MYADM: variants seen among roughly 807,000 people sequenced by gnomAD.
MYADM encodes the protein myeloid associated differentiation marker, also known as myeloid-associated differentiation marker.
For synonymous variants in MYADM, 224 were observed against 210.2 expected (o/e 1.07, Z -0.57); for missense variants, 416 against 443.4 (o/e 0.94, Z 0.56).
Position 53,874,571 on chromosome 19 carries a change from C to A in MYADM, c.*73C>A. 3 of 1,476,678 alleles carry A rather than the reference C, an allele frequency of 2.0e-6. No individual in the cohort carries two copies. The highest frequency in any genetic ancestry group is 2.7e-6 in the Non-Finnish European group (3 of 1,107,224). 91.5% of individuals were successfully genotyped at this position (1,476,678 alleles called of 1,614,324 possible). On this transcript the variant is annotated 3_prime_UTR_variant, in exon 3 of 3. Coordinates refer to ENST00000391770, the MANE Select transcript of MYADM (RefSeq NM_138373.5). ...TTGCCCGAGTTTTCTTTATGGAGTA[C>A]TTCTTTCCTCCGCCTTTCCTCTGTT...
Position 53,873,725 on chromosome 19 carries a change from A to T in MYADM, c.196A>T (p.Asn66Tyr), listed in dbSNP as rs749178244. 6.2e-7 allele frequency: 1 copy of T among 1,613,856 alleles called. No homozygotes were observed. The highest frequency in any genetic ancestry group is 1.3e-5 in the African/African-American group (1 of 74,870). The change falls in exon 3 of 3, where the codon AAC (asparagine) becomes TAC (tyrosine). Residue 66 changes from asparagine to tyrosine, a missense_variant. Asn to Tyr is a moderately radical substitution (Grantham distance 143). Coordinates refer to ENST00000391770, the MANE Select transcript of MYADM (RefSeq NM_138373.5). This position sits in a 1 kb window ranked among gnomAD's most constrained non-coding sequence, Gnocchi z 4.3. ...SVGAWTGSMG[N>Y]WSMFTWCFCF... ...GGGCGCCTGGACGGGGTCCATGGGC[A>T]ACTGGTCCATGTTCACCTGGTGCTT...
rs1324330313 is a variant in MYADM, at chr19:53,868,310, A to C, written c.-88+367A>C. On this transcript the variant is annotated intron_variant, in intron 1 of 2. Transcript: ENST00000391770. This position sits in a 1 kb window ranked among gnomAD's most constrained non-coding sequence, Gnocchi z 6.3. ...GGGCCTGGACTCCTGAGTCTGAGGG[A>C]GGAGGGGCTGGGTCTGCGGGAGTAG... Among the ~76,000 whole-genome samples, 1 of 149,860 alleles carries C rather than the reference A, an allele frequency of 6.7e-6. No homozygotes were observed. Among genetic ancestry groups the C allele is most frequent in the African/African-American group, 2.5e-5 (1 of 40,414 alleles).
In MYADM at chr19:53,874,548, G is replaced by C; in HGVS notation, c.*50G>C. 4 of 1,511,278 alleles carry C rather than the reference G, an allele frequency of 2.6e-6. No homozygotes were observed. The highest frequency in any genetic ancestry group is 3.5e-6 in the Non-Finnish European group (4 of 1,130,834). The allele number at this position is 1,511,278 out of a possible 1,614,324, so 93.6% of individuals were successfully genotyped here. On this transcript the variant is annotated 3_prime_UTR_variant, in exon 3 of 3. Coordinates refer to ENST00000391770, the MANE Select transcript of MYADM (RefSeq NM_138373.5). ...CCTCTCCAACCTCTTTGTTCTTCTT[G>C]CCCGAGTTTTCTTTATGGAGTACTT...
chr19:53,871,145 C>T (rs1436597849), intron 2 of MYADM, among the ~76,000 whole-genome samples: 3 of 152,152 alleles, frequency 2.0e-5, no homozygotes, highest in African/African-American at 4.8e-5. Context: ...GCAGGAGAAT[C>T]GCTTGAATCC....
In MYADM at chr19:53,875,234, G is replaced by A. The variant is rs1483851970; in HGVS notation, c.*736G>A. On this transcript the variant is annotated 3_prime_UTR_variant, in exon 3 of 3. Coordinates refer to ENST00000391770, the MANE Select transcript of MYADM (RefSeq NM_138373.5). ...TGTGTGTGTGTGTGTGTGTGTGTTT[G>A]GGGGGTGGGGGGTGGGTAGCTGGGG... 7 of 147,834 alleles carry A rather than the reference G, an allele frequency of 4.7e-5. No individual in the cohort carries two copies. The highest frequency in any genetic ancestry group is 1.1e-4 in the Non-Finnish European group (7 of 63,126). The allele number at this position is 147,834 out of a possible 1,614,324, so 9.2% of individuals were successfully genotyped here. A position where few individuals can be genotyped will look rare whatever the true frequency, so the allele number is the denominator to read the frequency against.
chr19:53,872,259 T>C (rs1221747266), intron 2 of MYADM, among the ~76,000 whole-genome samples: 2 of 151,674 alleles, frequency 1.3e-5, no homozygotes, highest in Non-Finnish European at 2.9e-5. Context: ...GCAGGGGTTC[T>C]ATCTTGGCTC....
At chr19:53,871,682 G>A (rs941705491) in intron 2 of MYADM, among the ~76,000 whole-genome samples, 12 of 151,938 alleles carry the variant, frequency 7.9e-5, no homozygotes, top group African/African-American at 1.9e-4. Flanking sequence ...AGGTTGGGCC[G>A]TTTAGAGGCT....
Position 53,873,380 on chromosome 19 carries a change from A to C in MYADM, c.-2-148A>C. On this transcript the variant is annotated intron_variant, in intron 2 of 2. Coordinates refer to ENST00000391770, the MANE Select transcript of MYADM (RefSeq NM_138373.5). The surrounding 1 kb of genome is among the most constrained non-coding windows in gnomAD (Gnocchi z 4.3). ...GAGCAAGACTCTGTCTCAAAAAAAAAAAAAGAAAAGAAAACCGAAAGCCCC... is the reference window on the plus strand; with the variant it reads ...GAGCAAGACTCTGTCTCAAAAAAAACAAAAGAAAAGAAAACCGAAAGCCCC... The C allele has an allele frequency of 1.1e-6, 1 of 890,990 alleles. No individual in the cohort carries two copies. Among genetic ancestry groups the C allele is most frequent in the Non-Finnish European group, 1.7e-6 (1 of 593,424 alleles). 55.2% of individuals were successfully genotyped at this position (890,990 alleles called of 1,614,324 possible).
chr19:53,874,331 G>T lies in MYADM; in HGVS notation c.802G>T (p.Gly268Cys). The T allele has an allele frequency of 6.2e-7, 1 of 1,613,158 alleles. No homozygotes were observed. The highest frequency in any genetic ancestry group is 1.7e-5 in the Admixed American group (1 of 59,990). ...CCTCTACCAGTTCGATGAGAAGTAT[G>T]GCGGCCAGCCTCGGCGCTCGAGAGA... ...WPLYQFDEKY[G>C]GQPRRSRDVS... The change falls in exon 3 of 3, where the codon GGC (glycine) becomes TGC (cysteine). Residue 268 changes from glycine (G) to cysteine (C), a missense_variant. Coordinates refer to ENST00000391770, the MANE Select transcript of MYADM (RefSeq NM_138373.5).
At chr19:53,871,870 AT>A (rs997640543) in intron 2 of MYADM, among the ~76,000 whole-genome samples, 1 of 151,776 alleles carries the variant, frequency 6.6e-6, no homozygotes, top group African/African-American at 2.4e-5. Context: ...AGGATGCTTT[AT>A]TTTTTATTTA....
chr19:53,866,507 C>G (rs1336177828), upstream of MYADM: 1 of 152,308 alleles, frequency 6.6e-6, no homozygotes, highest in East Asian at 1.9e-4. The surrounding 1 kb of genome is among the most constrained non-coding windows in gnomAD (Gnocchi z 4.3). Flanking sequence ...ACCCTCAGCT[C>G]CCTCTTTTTC....
At position 53,873,551 on chromosome 19, in the gene MYADM, A is replaced by G. The variant is rs781704036; in HGVS notation, c.22A>G (p.Thr8Ala). 3.7e-6 allele frequency: 6 copies of G among 1,607,758 alleles called. No individual in the cohort carries two copies. The Admixed American group carries it at 8.4e-5, about 23-fold the overall frequency. ...AGCCATGCCAGTGACGGTAACCCGC[A>G]CCACCATCACAACCACCACGACGTC... MPVTVTR[T>A]TITTTTTSSS... Residue 8 changes from threonine (T) to alanine (A), a missense_variant, in exon 3 of 3, where the codon ACC becomes GCC. By Grantham distance (58) the Thr-to-Ala change is moderately conservative. Coordinates refer to ENST00000391770, the MANE Select transcript of MYADM (RefSeq NM_138373.5). This position sits in a 1 kb window ranked among gnomAD's most constrained non-coding sequence, Gnocchi z 4.3.
At chr19:53,867,798 C>A (rs1325376038), upstream of MYADM, 3 of 152,924 alleles carry the variant, frequency 2.0e-5, no homozygotes, top group African/African-American at 4.8e-5. Context: ...CTGTCCACCG[C>A]CCTAGCCGGA....
chr19:53,866,571 C>T (rs561309521), upstream of MYADM, among the ~76,000 whole-genome samples: 3 of 152,344 alleles, frequency 2.0e-5, no homozygotes, highest in African/African-American at 7.2e-5. This position sits in a 1 kb window ranked among gnomAD's most constrained non-coding sequence, Gnocchi z 4.3. Flanking sequence ...TAAAAACACA[C>T]CCTGCATCCC....
At chr19:53,871,909 A>C (rs1483866379) in intron 2 of MYADM, among the ~76,000 whole-genome samples, 1 of 151,320 alleles carries the variant, frequency 6.6e-6, no homozygotes, top group South Asian at 2.1e-4. Context: ...ATTTTATTTT[A>C]TTTTTTGAGA....
At chr19:53,871,681 C>T (rs919372333) in intron 2 of MYADM, among the ~76,000 whole-genome samples, 4 of 151,764 alleles carry the variant, frequency 2.6e-5, no homozygotes, top group African/African-American at 7.3e-5. Flanking sequence ...GAGGTTGGGC[C>T]GTTTAGAGGC....
upstream of MYADM, among the ~76,000 whole-genome samples, chr19:53,867,615 C>T (rs1207843001): frequency 6.6e-6 from 1 of 152,198 alleles, no homozygotes; most frequent in Non-Finnish European, 1.5e-5. Flanking sequence ...AGTCTCCACG[C>T]CGCCAGCTGT....
At position 53,874,367 on chromosome 19, in the gene MYADM, A is replaced by G; in HGVS notation, c.838A>G (p.Ser280Gly). ...TCGGCGCTCGAGAGATGTAAGCTGCAGCCGCAGCCATGCCTACTACGTGTG... is the reference window on the plus strand; with the variant it reads ...TCGGCGCTCGAGAGATGTAAGCTGCGGCCGCAGCCATGCCTACTACGTGTG... ...QPRRSRDVSCSRSHAYYVCAW... is the reference protein window; with the variant it reads ...QPRRSRDVSCGRSHAYYVCAW... The change falls in exon 3 of 3, where the codon AGC (serine) becomes GGC (glycine). Residue 280 changes from serine to glycine, a missense_variant. Physicochemically the swap from Ser to Gly is moderately conservative, Grantham distance 56 (BLOSUM62 0). Transcript: ENST00000391770. 2 of 1,614,146 alleles carry G rather than the reference A, an allele frequency of 1.2e-6. No individual in the cohort carries two copies. The highest frequency in any genetic ancestry group is 8.5e-7 in the Non-Finnish European group (1 of 1,179,976).
upstream of MYADM, chr19:53,866,499 C>T (rs2068247263): frequency 6.6e-6 from 1 of 152,354 alleles, no homozygotes; most frequent in East Asian, 1.9e-4. This position sits in a 1 kb window ranked among gnomAD's most constrained non-coding sequence, Gnocchi z 4.3. Context: ...ACATCCCGAC[C>T]CTCAGCTCCC....
Sources: gnomAD v4.1 joint callset for allele counts (sites outside exome capture counted in the v4.1 genomes callset) on GRCh38, gnomAD v4.1.1 for gene constraint, Gnocchi (gnomAD v3.1) non-coding constraint, MANE v1.5 for transcripts, NCBI Gene and HGNC (gene_info 2026-07-23, HGNC 2026-07-21) for gene names.